Variants in RABL2A observed in about 807,000 individuals in gnomAD.
RABL2A encodes the protein rab-like protein 2A.
A neutral mutation model predicts 30.7 loss-of-function variants in RABL2A; 17 were observed. The ratio of observed to expected loss-of-function variants is 0.55; its 90% CI spans 0.38 to 0.83. The LOEUF is 0.83. Ranked by LOEUF, RABL2A falls within the 40% of genes least tolerant of loss-of-function variation. The probability of loss-of-function intolerance (pLI) is 0.00; values close to 1 mark genes in which losing one functional copy is unlikely to be tolerated. For synonymous variants in RABL2A, 64 were observed against 101.8 expected (o/e 0.63, Z 2.24); for missense variants, 155 against 272.6 (o/e 0.57, Z 3.04).
At chr2:113,639,821 ACTCCAGC>A (rs1684426000) in intron 5 of RABL2A, among the ~76,000 whole-genome samples, 1 of 149,276 alleles carries the variant, frequency 6.7e-6, no homozygotes, top group Non-Finnish European at 1.5e-5. Context: ...ATGCCACCAC[ACTCCAGC>A]CTGGGTAACA....
At chr2:113,640,156 TAAATA>T (rs1189779388) in intron 5 of RABL2A, 1 of 124,868 alleles carries the variant, frequency 8.0e-6, no homozygotes, top group East Asian at 2.5e-4. Flanking sequence ...AAAAAGTAAA[TAAATA>T]AAAGTAAATA....
At chr2:113,637,076 A>G (rs952720058) in intron 5 of RABL2A, among the ~76,000 whole-genome samples, 12 of 152,110 alleles carry the variant, frequency 7.9e-5, no homozygotes, top group Non-Finnish European at 1.5e-4. Context: ...CCTCCCACTT[A>G]GTGATTGTCT....
At chr2:113,636,967 C>T (rs553467348) in intron 5 of RABL2A, among the ~76,000 whole-genome samples, 9 of 148,534 alleles carry the variant, frequency 6.1e-5, no homozygotes, top group African/African-American at 2.0e-4. Context: ...CCAGCCTGGG[C>T]AACAGAGCGA....
intron 5 of RABL2A, chr2:113,638,210 T>G (rs1683668585): frequency 2.0e-6 from 2 of 985,290 alleles, no homozygotes; most frequent in Non-Finnish European, 2.4e-6. Context: ...AACCTGGTGA[T>G]TCATTGAAAT....
At chr2:113,629,261 G>C (rs1190959252) in intron 2 of RABL2A, among the ~76,000 whole-genome samples, 1 of 152,154 alleles carries the variant, frequency 6.6e-6, no homozygotes, top group Non-Finnish European at 1.5e-5. Context: ...CTCACGCCTA[G>C]GACTGCTGAG....
rs899037505 is a variant in RABL2A, at chr2:113,640,713, G to A, written c.298-181G>A. On this transcript the variant is annotated intron_variant, in intron 5 of 8. Coordinates refer to ENST00000683472, the MANE Select transcript of RABL2A (RefSeq NM_001306158.2). ...TTTTAAAAACATTTTCGCATCTGGA[G>A]GCTCCAGGGGGCTTCCCTGAGAAAC... 7.1e-6 allele frequency: 5 copies of A among 708,100 alleles called. No homozygotes were observed. In the Admixed American group the frequency reaches 1.5e-4, roughly 21 times the overall value. The allele number at this position is 708,100 out of a possible 1,614,324, so 43.9% of individuals were successfully genotyped here.
chr2:113,636,611 ATC>A (rs1342513985), intron 5 of RABL2A, among the ~76,000 whole-genome samples: 4 of 152,124 alleles, frequency 2.6e-5, no homozygotes, highest in African/African-American at 9.7e-5. Context: ...AACAGATGGC[ATC>A]TCTCAGTGGG....
Position 113,636,906 on chromosome 2 carries a change from G to C in RABL2A, c.297+1776G>C, listed in dbSNP as rs1476021492. ...CGGGAGGCTGAGGCAGGAGAATGGCGTGAACCCAGGAGGCGGAGCTTGCAG... is the reference window on the plus strand; with the variant it reads ...CGGGAGGCTGAGGCAGGAGAATGGCCTGAACCCAGGAGGCGGAGCTTGCAG... On this transcript the variant is annotated intron_variant, in intron 5 of 8. Coordinates refer to ENST00000683472, the MANE Select transcript of RABL2A (RefSeq NM_001306158.2). 1.7e-3 allele frequency among the ~76,000 whole-genome samples: 261 copies of C among 151,800 alleles called. 1 individual carries two copies. Among genetic ancestry groups the C allele is most frequent in the African/African-American group, 6.0e-3 (247 of 41,306 alleles).
At chr2:113,629,101 T>C (rs1017629863) in intron 2 of RABL2A, among the ~76,000 whole-genome samples, 25 of 151,380 alleles carry the variant, frequency 1.7e-4, no homozygotes, top group African/African-American at 6.1e-4. Flanking sequence ...CTCTCTGAAA[T>C]AGAGAAAACT....
intron 4 of RABL2A, 43 bp from the exon 5 acceptor site, chr2:113,635,008 G>A (rs1397507375): frequency 6.2e-6 from 10 of 1,614,040 alleles, no homozygotes; most frequent in Non-Finnish European, 7.6e-6. Flanking sequence ...GACTTGCACA[G>A]AAATGCACCA....
chr2:113,635,808 T>G (rs914618653), intron 5 of RABL2A, among the ~76,000 whole-genome samples: 1 of 152,012 alleles, frequency 6.6e-6, no homozygotes, highest in African/African-American at 2.4e-5. Flanking sequence ...TTTGGGTCAC[T>G]TAAAAAACAT....
At chr2:113,641,499 A>G (rs1280639724) in intron 7 of RABL2A, 49 bp downstream of exon 7, 8 of 1,611,626 alleles carry the variant, frequency 5.0e-6, no homozygotes, top group Non-Finnish European at 6.8e-6. Context: ...GCTAGGTGGT[A>G]AAGGGAAGCT....
rs1252837596 is a variant in RABL2A at position 113,642,425 on chromosome 2, A to G, written c.*296A>G. The G allele has an allele frequency of 3.8e-5, 19 of 496,176 alleles. No homozygotes were observed. The highest frequency in any genetic ancestry group is 2.5e-4 in the Admixed American group (7 of 28,196). The allele number at this position is 496,176 out of a possible 1,614,324, so 30.7% of individuals were successfully genotyped here. On this transcript the variant is annotated 3_prime_UTR_variant, in exon 9 of 9. Coordinates refer to ENST00000683472, the MANE Select transcript of RABL2A (RefSeq NM_001306158.2). The stretch of plus-strand genomic sequence containing the variant: ...GGCAGACAGTGAAGAGAATCAGAAA[A>G]CATGATTATGTGTCACTTTAATACA...
In RABL2A at chr2:113,642,302, C is replaced by T; in HGVS notation, c.*173C>T. Reference sequence around the variant, plus strand: ...CGTGATACAGGGATGAGGTCAGCACCAGCAAACTCTGGACTGGTGGAAGAA... The same window carrying T: ...CGTGATACAGGGATGAGGTCAGCACTAGCAAACTCTGGACTGGTGGAAGAA... On this transcript the variant is annotated 3_prime_UTR_variant, in exon 9 of 9. Coordinates refer to ENST00000683472, the MANE Select transcript of RABL2A (RefSeq NM_001306158.2). 1 of 1,426,096 alleles carries T rather than the reference C, an allele frequency of 7.0e-7. No homozygotes were observed. Among genetic ancestry groups the T allele is most frequent in the Non-Finnish European group, 9.3e-7 (1 of 1,076,940 alleles). 88.3% of individuals were successfully genotyped at this position (1,426,096 alleles called of 1,614,324 possible). A position where few individuals can be genotyped will look rare whatever the true frequency, so the allele number is the denominator to read the frequency against.
Position 113,627,302 on chromosome 2 carries a change from G to GA in RABL2A, c.-152_-151insA, listed in dbSNP as rs1358423312. The GA allele has an allele frequency of 7.8e-6, 1 of 128,846 alleles. No individual in the cohort carries two copies. Among genetic ancestry groups the GA allele is most frequent in the African/African-American group, 3.5e-5 (1 of 28,198 alleles). 8.0% of individuals were successfully genotyped at this position (128,846 alleles called of 1,614,324 possible). A position where few individuals can be genotyped will look rare whatever the true frequency, so the allele number is the denominator to read the frequency against. ...GCGCTGCGGTGCGAGCTGGGCCGGC[G>GA]GGGTGGTTCGAGAGCGCGCAGAGTC... is the stretch of plus-strand genomic sequence containing the variant. On this transcript the variant is annotated 5_prime_UTR_variant, in exon 1 of 9. Coordinates refer to ENST00000683472, the MANE Select transcript of RABL2A (RefSeq NM_001306158.2).
intron 2 of RABL2A, among the ~76,000 whole-genome samples, chr2:113,632,565 C>T (rs1378552001): frequency 3.3e-5 from 5 of 152,234 alleles, no homozygotes; most frequent in South Asian, 4.1e-4. Flanking sequence ...CGCGCCCGAC[C>T]GGGAAATGGC....
chr2:113,627,749 C>T (rs1374239882), intron 1 of RABL2A: 9 of 250,930 alleles, frequency 3.6e-5, no homozygotes, highest in Admixed American at 5.5e-5. Context: ...CGCCACTGCA[C>T]TCCAGCCTGG....
Position 113,634,185 on chromosome 2 carries a change from C to T in RABL2A, c.170C>T (p.Thr57Ile), listed in dbSNP as rs752926494. ...QPQQLSTYALTLYKHTATVDG... is the reference protein window; with the variant it reads ...QPQQLSTYALILYKHTATVDG... ...CAGCAGCTGTCCACGTACGCCCTGA[C>T]CCTGTACAAGCACACAGCCACGGTA... Residue 57 changes from threonine to isoleucine, a missense_variant, in exon 4 of 9, where the codon ACC becomes ATC. Physicochemically the swap from Thr to Ile is moderately conservative, Grantham distance 89 (BLOSUM62 -1). Transcript: ENST00000683472. 3 of 1,612,832 alleles carry T rather than the reference C, an allele frequency of 1.9e-6. No individual in the cohort carries two copies. The highest frequency in any genetic ancestry group is 2.2e-5 in the South Asian group (2 of 90,730).
intron 2 of RABL2A, among the ~76,000 whole-genome samples, chr2:113,631,836 G>C (rs1680473633): frequency 6.6e-6 from 1 of 151,990 alleles, no homozygotes; most frequent in Admixed American, 6.6e-5. Context: ...TCTCAAGACA[G>C]TGTTCTGAGC....
Sources: allele counts gnomAD v4.1 joint callset (sites outside exome capture counted in the v4.1 genomes callset), GRCh38; gene constraint gnomAD v4.1.1; transcripts MANE v1.5; gene names NCBI Gene and HGNC (gene_info 2026-07-23, HGNC 2026-07-21).